Variants in ZDHHC11B observed in about 807,000 individuals in gnomAD.
ZDHHC11B encodes the protein zDHHC palmitoyltransferase 11B (putative).
Under a neutral mutation model 42.3 loss-of-function variants are expected in ZDHHC11B, and 17 were observed. The ratio of observed to expected loss-of-function variants is 0.40; its 90% CI spans 0.27 to 0.60. ZDHHC11B has a LOEUF of 0.60. ZDHHC11B is among the 20% of genes least tolerant of loss of function. The pLI is 0.41. For synonymous variants in ZDHHC11B, 123 were observed against 193.5 expected (o/e 0.64, Z 3.02); for missense variants, 262 against 463.2 (o/e 0.57, Z 3.99).
At chr5:778,602 A>C (rs1736734556) in intron 1 of ZDHHC11B, among the ~76,000 whole-genome samples, 1 of 152,068 alleles carries the variant, frequency 6.6e-6, no homozygotes, top group Non-Finnish European at 1.5e-5. Context: ...CTCAGGGTCC[A>C]GGGCACCTGC....
rs1170630156 is a variant in ZDHHC11B, at chr5:724,513, G to C, written c.1058+5921C>G. On this transcript the variant is annotated intron_variant, in intron 12 of 13. Coordinates refer to ENST00000508859, the MANE Select transcript of ZDHHC11B (RefSeq NM_001351303.2). ...GCCTCAGCCTCCCGAGTAGCTGGGA[G>C]TACAGGTGCCTGCCACTACGCCTGG... Among the ~76,000 whole-genome samples the C allele has an allele frequency of 9.7e-5, 14 of 144,956 alleles. 1 individual carries two copies. Among genetic ancestry groups the C allele is most frequent in the Admixed American group, 2.8e-4 (4 of 14,260 alleles).
chr5:757,654 T>A lies in ZDHHC11B; in HGVS notation c.223-1510A>T, dbSNP rs73730939. On this transcript the variant is annotated intron_variant, in intron 4 of 13. Transcript: ENST00000508859. ...ACAGGTGCCGAATCCCTCAGCAGGA[T>A]GCACCGCACACCCTGCATCTTCCAG... is the stretch of plus-strand genomic sequence containing the variant. Among the ~76,000 whole-genome samples, 701 of 151,876 alleles carry A rather than the reference T, an allele frequency of 4.6e-3. 12 individuals carry two copies. The highest frequency in any genetic ancestry group is 0.016 in the African/African-American group (674 of 41,292).
intron 4 of ZDHHC11B, among the ~76,000 whole-genome samples, chr5:762,320 A>C (rs429739): frequency 0.74 from 111,343 of 150,760 alleles, 39,104 homozygotes; most frequent in East Asian, 0.82. Context: ...ACAGCCACCT[A>C]CAAACAAGAC....
At chr5:722,087 C>G (rs1161186236) in intron 12 of ZDHHC11B, among the ~76,000 whole-genome samples, 12 of 151,852 alleles carry the variant, frequency 7.9e-5, no homozygotes, top group Non-Finnish European at 1.2e-4. Context: ...AGACTCGGCT[C>G]TCAAAATCAA....
intron 1 of ZDHHC11B, among the ~76,000 whole-genome samples, 144 bp downstream of exon 1, chr5:784,524 G>A (rs1304193254): frequency 2.6e-5 from 4 of 152,256 alleles, no homozygotes; most frequent in Admixed American, 6.5e-5. Context: ...TCAGGGACGC[G>A]CAGGGCGGCC....
chr5:745,791 C>G (rs1042427627), intron 8 of ZDHHC11B, among the ~76,000 whole-genome samples: 1 of 149,912 alleles, frequency 6.7e-6, no homozygotes, highest in Non-Finnish European at 1.5e-5. Flanking sequence ...GCACAGAGAC[C>G]CCACAGTCGG....
At position 721,897 on chromosome 5, in the gene ZDHHC11B, G is replaced by A. The variant is rs529563544; in HGVS notation, c.1059-5032C>T. On this transcript the variant is annotated intron_variant, in intron 12 of 13. Transcript: ENST00000508859. ...CAAAACTGATGAGTGGAATTGACTAGACAGCCCAGAAATAGACTCAAATAT... is the reference window on the plus strand; with the variant it reads ...CAAAACTGATGAGTGGAATTGACTAAACAGCCCAGAAATAGACTCAAATAT... Among the ~76,000 whole-genome samples, 9 of 151,862 alleles carry A rather than the reference G, an allele frequency of 5.9e-5. No individual in the cohort carries two copies. The East Asian group carries it at 1.7e-3, about 29-fold the overall frequency.
intron 1 of ZDHHC11B, among the ~76,000 whole-genome samples, chr5:780,882 C>T (rs530452219): frequency 2.6e-5 from 4 of 151,816 alleles, no homozygotes; most frequent in African/African-American, 7.2e-5. Context: ...AAGCGGGGGC[C>T]GGTGTGCGCA....
rs1561105942 is a variant in ZDHHC11B, at chr5:711,436, A to ACTGTGCTCCCATTTCCCAGTG, written c.*833_*853dup. 24 of 146,584 alleles carry ACTGTGCTCCCATTTCCCAGTG rather than the reference A, an allele frequency of 1.6e-4. 1 individual carries two copies. Among genetic ancestry groups the ACTGTGCTCCCATTTCCCAGTG allele is most frequent in the African/African-American group, 6.4e-4 (24 of 37,238 alleles). The allele number at this position is 146,584 out of a possible 1,614,324, so 9.1% of individuals were successfully genotyped here. On this transcript the variant is annotated 3_prime_UTR_variant, in exon 14 of 14. Transcript: ENST00000508859. ...CAGTGCTGTGCTCCCAATTCCCAGTACTGTGCTCCCATTTCCCAGTGCTGT... is the reference window on the plus strand; with the variant it reads ...CAGTGCTGTGCTCCCAATTCCCAGTACTGTGCTCCCATTTCCCAGTGCTGTGCTCCCATTTCCCAGTGCTGT...
chr5:723,931 G>T (rs573640630), intron 12 of ZDHHC11B, among the ~76,000 whole-genome samples: 3 of 139,360 alleles, frequency 2.2e-5, no homozygotes, highest in South Asian at 4.7e-4. Flanking sequence ...CATCTGAGAG[G>T]ACCTGCACCC....
chr5:770,639 C>G (rs1735943152), intron 1 of ZDHHC11B, among the ~76,000 whole-genome samples: 1 of 152,028 alleles, frequency 6.6e-6, no homozygotes, highest in Non-Finnish European at 1.5e-5. Context: ...CGCTCCCTCC[C>G]CACTGCAGAG....
chr5:730,367 C>T (rs551917207), intron 12 of ZDHHC11B, 67 bp downstream of exon 12: 1 of 1,498,784 alleles, frequency 6.7e-7, no homozygotes, highest in South Asian at 1.3e-5. Context: ...ACATATTTTC[C>T]TAGGTAATTT....
intron 12 of ZDHHC11B, among the ~76,000 whole-genome samples, chr5:720,993 C>A (rs1466414853): frequency 6.6e-6 from 1 of 151,662 alleles, no homozygotes; most frequent in African/African-American, 2.4e-5. Flanking sequence ...TGCCTGTAGT[C>A]CTAGTTACTT....
intron 12 of ZDHHC11B, among the ~76,000 whole-genome samples, chr5:724,354 G>A (rs1445378570): frequency 7.4e-6 from 1 of 135,478 alleles, no homozygotes; most frequent in African/African-American, 2.8e-5. Flanking sequence ...ACAGGAGCAT[G>A]CCATCAAACC....
chr5:723,378 C>T (rs1400041131), intron 12 of ZDHHC11B, among the ~76,000 whole-genome samples: 1 of 125,476 alleles, frequency 8.0e-6, no homozygotes, highest in Non-Finnish European at 1.7e-5. Flanking sequence ...AATATGTTCC[C>T]ATTTCCTTGT....
intron 4 of ZDHHC11B, among the ~76,000 whole-genome samples, chr5:757,554 T>G (rs1447699911): frequency 1.3e-5 from 2 of 151,902 alleles, no homozygotes; most frequent in Non-Finnish European, 1.5e-5. Flanking sequence ...CCTTCCCTGA[T>G]GAGGGTCCCG....
chr5:768,983 GC>G, intron 1 of ZDHHC11B, 53 bp from the exon 2 acceptor site: 1 of 576,196 alleles, frequency 1.7e-6, no homozygotes, highest in Non-Finnish European at 3.2e-6. Flanking sequence ...CCAACGCGGT[GC>G]CCCAGTGCAG....
rs1269728788 is a variant in ZDHHC11B, at chr5:748,184, G to A, written c.784+220C>T. 54 of 591,430 alleles carry A rather than the reference G, an allele frequency of 9.1e-5. 18 individuals carry two copies. The highest frequency in any genetic ancestry group is 1.5e-5 in the Non-Finnish European group (5 of 342,240). The allele number at this position is 591,430 out of a possible 1,614,324, so 36.6% of individuals were successfully genotyped here. A position where few individuals can be genotyped will look rare whatever the true frequency, so the allele number is the denominator to read the frequency against. On this transcript the variant is annotated intron_variant, in intron 8 of 13. Coordinates refer to ENST00000508859, the MANE Select transcript of ZDHHC11B (RefSeq NM_001351303.2). ...TTCAGCTTCTTGCTGGGCCTGCTGG[G>A]CCCTCATGGATTTAATTTCTTCCTG...
intron 1 of ZDHHC11B, among the ~76,000 whole-genome samples, chr5:776,278 C>T (rs1736472672): frequency 1.3e-5 from 2 of 151,860 alleles, no homozygotes; most frequent in South Asian, 4.2e-4. Flanking sequence ...CCTCCAATGT[C>T]CCACGGCCAC....
Sources: allele counts gnomAD v4.1 joint callset (sites outside exome capture counted in the v4.1 genomes callset), GRCh38; gene constraint gnomAD v4.1.1; transcripts MANE v1.5; gene names NCBI Gene and HGNC (gene_info 2026-07-23, HGNC 2026-07-21).